CEP85L: variants seen among roughly 807,000 people sequenced by gnomAD.
CEP85L encodes centrosomal protein of 85 kDa-like.
Under a neutral mutation model 100.3 loss-of-function variants are expected in CEP85L, and 60 were observed. That is an observed-to-expected ratio of 0.60 (90% CI 0.49 to 0.74). The LOEUF (loss-of-function observed/expected upper bound fraction) is 0.74, where lower values mean the gene tolerates loss of function less well. Among genes scored for constraint, CEP85L ranks in the 30% least tolerant of loss-of-function variants. The probability of loss-of-function intolerance (pLI) is 0.00; values close to 1 mark genes in which losing one functional copy is unlikely to be tolerated. For synonymous variants in CEP85L, 319 were observed against 322.7 expected (o/e 0.99, Z 0.12); for missense variants, 973 against 936.2 (o/e 1.04, Z -0.51).
At position 118,559,971 on chromosome 6, in the gene CEP85L, C is replaced by T. The variant is rs886061004; in HGVS notation, c.1020+5558G>A. ...TACTATATCTTTGGAATCATGAAAC[C>T]TTAAGACTTCAGAATGATTTTGCAG... On this transcript the variant is annotated intron_variant, in intron 3 of 12. Transcript: ENST00000368491. 5 of 167,016 alleles carry T rather than the reference C, an allele frequency of 3.0e-5. No homozygotes were observed. The highest frequency in any genetic ancestry group is 2.0e-4 in the Admixed American group (3 of 15,268). The allele number at this position is 167,016 out of a possible 1,614,324, so 10.3% of individuals were successfully genotyped here. A position where few individuals can be genotyped will look rare whatever the true frequency, so the allele number is the denominator to read the frequency against.
chr6:118,641,674 G>A (rs1774884369), intron 1 of CEP85L, among the ~76,000 whole-genome samples: 1 of 152,022 alleles, frequency 6.6e-6, no homozygotes, highest in Admixed American at 6.6e-5. Flanking sequence ...ACTTAAACTA[G>A]CCCTCACAAA....
intron 1 of CEP85L, among the ~76,000 whole-genome samples, chr6:118,698,460 T>C (rs1777285155): frequency 6.6e-6 from 1 of 151,964 alleles, no homozygotes; most frequent in South Asian, 2.1e-4. Flanking sequence ...GTAACATAAC[T>C]CTGAGTTGAA....
Position 118,651,551 on chromosome 6 carries a change from G to C in CEP85L, c.-282C>G, listed in dbSNP as rs752546232. Reference sequence around the variant, plus strand: ...GCTGCTAGATCCCCGGCTGAGCCCAGGCTCAAAGGCTCCAGGCGAAGTTGC... The same window carrying C: ...GCTGCTAGATCCCCGGCTGAGCCCACGCTCAAAGGCTCCAGGCGAAGTTGC... On this transcript the variant is annotated 5_prime_UTR_variant, in exon 1 of 13. Coordinates refer to ENST00000368491, the MANE Select transcript of CEP85L (RefSeq NM_001042475.3). 5 of 1,224,834 alleles carry C rather than the reference G, an allele frequency of 4.1e-6. No homozygotes were observed. Among genetic ancestry groups the C allele is most frequent in the Non-Finnish European group, 4.1e-6 (4 of 980,968 alleles). The allele number at this position is 1,224,834 out of a possible 1,614,324, so 75.9% of individuals were successfully genotyped here.
chr6:118,655,076 G>A (rs1260346177), upstream of CEP85L, among the ~76,000 whole-genome samples: 1 of 152,108 alleles, frequency 6.6e-6, no homozygotes, highest in Non-Finnish European at 1.5e-5. Context: ...CCAAATTTTT[G>A]GGAGCCAAGT....
At chr6:118,694,755 A>G (rs896331063) in intron 1 of CEP85L, among the ~76,000 whole-genome samples, 2 of 152,198 alleles carry the variant, frequency 1.3e-5, no homozygotes, top group African/African-American at 4.8e-5. Flanking sequence ...TGATACAGAA[A>G]AAAAAGTGGG....
At position 118,708,166 on chromosome 6, in the gene CEP85L, A is replaced by G. The variant is rs1377305957; in HGVS notation, c.-28+1870T>C. On this transcript the variant is annotated intron_variant, in intron 1 of 13. Coordinates refer to the CEP85L transcript ENST00000368488. ...TGCAAATATTTATTAAGTTCGGACT[A>G]TATTGCCATCACTTCACAGATGAAC... Among the ~76,000 whole-genome samples the G allele has an allele frequency of 2.0e-5, 3 of 152,378 alleles. No individual in the cohort carries two copies. In the East Asian group the frequency reaches 5.8e-4, roughly 29 times the overall value.
chr6:118,462,404 G>A lies in CEP85L; in HGVS notation c.*3001C>T, dbSNP rs1257145227. 1 of 151,920 alleles carries A rather than the reference G, an allele frequency of 6.6e-6. No individual in the cohort carries two copies. Among genetic ancestry groups the A allele is most frequent in the East Asian group, 1.9e-4 (1 of 5,200 alleles). 9.4% of individuals were successfully genotyped at this position (151,920 alleles called of 1,614,324 possible). On this transcript the variant is annotated 3_prime_UTR_variant, in exon 13 of 13. Transcript: ENST00000368491. ...GTGAAAAGATAGCTATTGTGCCTTT[G>A]ATTCAGTGAATTTTATCTGTACAGG...
At chr6:118,504,845 T>C (rs567187364) in intron 5 of CEP85L, among the ~76,000 whole-genome samples, 2 of 152,300 alleles carry the variant, frequency 1.3e-5, no homozygotes, top group East Asian at 3.9e-4. Flanking sequence ...TGGTGTCTGC[T>C]GAAGAATATG....
rs1429336037 is a variant in CEP85L at position 118,588,684 on chromosome 6, TTAACTCAATACTA to T, written c.233-22381_233-22369del. Among the ~76,000 whole-genome samples, 4 of 152,372 alleles carry T rather than the reference TTAACTCAATACTA, an allele frequency of 2.6e-5. No homozygotes were observed. The South Asian group carries it at 6.2e-4, about 24-fold the overall frequency. ...CTCCCTCTTGCTTACATGTCTTACA[TTAACTCAATACTA>T]TAACTCAATACTATATAACTTGTAT... On this transcript the variant is annotated intron_variant, in intron 2 of 12. Transcript: ENST00000368491.
At chr6:118,678,075 G>A (rs976838862) in intron 1 of CEP85L, among the ~76,000 whole-genome samples, 1 of 152,186 alleles carries the variant, frequency 6.6e-6, no homozygotes, top group Admixed American at 6.5e-5. Flanking sequence ...TTCATAATTT[G>A]TACAGGGAAG....
At chr6:118,651,115 G>A in intron 1 of CEP85L, 82 bp downstream of exon 1, 2 of 1,427,078 alleles carry the variant, frequency 1.4e-6, no homozygotes, top group South Asian at 2.9e-5. Context: ...GCCTGAGGCG[G>A]GAGGGGAGCG....
intron 12 of CEP85L, among the ~76,000 whole-genome samples, chr6:118,467,582 T>C (rs1278497394): frequency 2.0e-5 from 3 of 152,132 alleles, no homozygotes; most frequent in South Asian, 2.1e-4. Context: ...AGAAGGAGTA[T>C]TGGGAGGTGG....
chr6:118,636,647 C>G (rs982903188), intron 1 of CEP85L, among the ~76,000 whole-genome samples: 1 of 151,744 alleles, frequency 6.6e-6, no homozygotes, highest in Non-Finnish European at 1.5e-5. Context: ...ACTGAACCAG[C>G]TGAAGGCCTG....
chr6:118,692,032 CT>C (rs559464171), intron 1 of CEP85L, among the ~76,000 whole-genome samples: 6 of 151,986 alleles, frequency 3.9e-5, no homozygotes, highest in Non-Finnish European at 8.8e-5. Context: ...GATCAATTAT[CT>C]GGAGAGGAGG....
In CEP85L at chr6:118,505,852, A is replaced by G. The variant is rs557662593; in HGVS notation, c.1257+5446T>C. Among the ~76,000 whole-genome samples the G allele has an allele frequency of 2.0e-5, 3 of 152,294 alleles. No individual in the cohort carries two copies. In the South Asian group the frequency reaches 6.2e-4, roughly 32 times the overall value. Reference sequence around the variant, plus strand: ...TTTGTCAAAACCCTTAGATTGCACAACACCAGGAGTGATCCTAATATAAAC... The same window carrying G: ...TTTGTCAAAACCCTTAGATTGCACAGCACCAGGAGTGATCCTAATATAAAC... On this transcript the variant is annotated intron_variant, in intron 5 of 12. Transcript: ENST00000368491.
chr6:118,601,283 C>T (rs1562298826), intron 2 of CEP85L, among the ~76,000 whole-genome samples: 1 of 152,190 alleles, frequency 6.6e-6, no homozygotes, highest in African/African-American at 2.4e-5. Flanking sequence ...TCTGTAAAGG[C>T]TATCAGTTAT....
At chr6:118,466,022 C>T (rs955008451) in intron 12 of CEP85L, among the ~76,000 whole-genome samples, 15 of 151,998 alleles carry the variant, frequency 9.9e-5, no homozygotes, top group African/African-American at 3.4e-4. Context: ...GTCACACACA[C>T]ACACAGAGGG....
intron 3 of CEP85L, among the ~76,000 whole-genome samples, chr6:118,533,348 C>T (rs1777396679): frequency 2.6e-5 from 4 of 152,094 alleles, no homozygotes; most frequent in Admixed American, 2.6e-4. Context: ...ATTCTACACA[C>T]ACCAATTCAA....
At chr6:118,709,556 T>TGAGAGA (rs150548831) in intron 1 of CEP85L, among the ~76,000 whole-genome samples, 1 of 142,222 alleles carries the variant, frequency 7.0e-6, no homozygotes, top group Non-Finnish European at 1.5e-5. Flanking sequence ...TGTGTGTGTG[T>TGAGAGA]GAGAGAGAGA....
Sources: gnomAD v4.1 joint callset for allele counts (sites outside exome capture counted in the v4.1 genomes callset) on GRCh38, gnomAD v4.1.1 for gene constraint, MANE v1.5 for transcripts, NCBI Gene and HGNC (gene_info 2026-07-23, HGNC 2026-07-21) for gene names.